The following ARHGAP18 variants were observed in gnomAD, a reference collection of about 807,000 sequenced individuals.
The protein encoded by ARHGAP18 is Rho GTPase activating protein 18.
ARHGAP18 carries 67 observed loss-of-function variants against 86.2 expected under a neutral mutation model. The ratio of observed to expected loss-of-function variants is 0.78; its 90% CI spans 0.64 to 0.95. The LOEUF (loss-of-function observed/expected upper bound fraction) is 0.95, where lower values mean the gene tolerates loss of function less well. Among genes scored for constraint, ARHGAP18 ranks in the 40% least tolerant of loss-of-function variants. The pLI is 0.00. For synonymous variants in ARHGAP18, 283 were observed against 280.4 expected (o/e 1.01, Z -0.09); for missense variants, 691 against 780.4 (o/e 0.89, Z 1.37).
chr6:129,667,819 C>T (rs996457515), intron 1 of ARHGAP18, among the ~76,000 whole-genome samples: 1 of 151,858 alleles, frequency 6.6e-6, no homozygotes, highest in Non-Finnish European at 1.5e-5. Context: ...GGTTACTGAG[C>T]ATTTAGAAAT....
intron 5 of ARHGAP18, among the ~76,000 whole-genome samples, chr6:129,622,196 C>T (rs1164402089): frequency 2.0e-5 from 3 of 152,132 alleles, no homozygotes; most frequent in South Asian, 4.1e-4. Flanking sequence ...CCATTGGCTT[C>T]GTGTTCCCCT....
chr6:129,698,691 G>GTTTT (rs34995244), intron 1 of ARHGAP18, among the ~76,000 whole-genome samples: 1 of 89,686 alleles, frequency 1.1e-5, no homozygotes, highest in African/African-American at 4.4e-5. Flanking sequence ...ACCACGCCCA[G>GTTTT]TTTTTTTTTT....
chr6:129,646,824 G>A (rs910513677), intron 1 of ARHGAP18, among the ~76,000 whole-genome samples: 7 of 152,100 alleles, frequency 4.6e-5, no homozygotes, highest in East Asian at 1.9e-4. Context: ...ACATCTTAGC[G>A]TTATTATGAA....
At position 129,616,237 on chromosome 6, in the gene ARHGAP18, A is replaced by C; in HGVS notation, c.1019T>G (p.Met340Arg). The C allele has an allele frequency of 6.2e-7, 1 of 1,611,710 alleles. No homozygotes were observed. Among genetic ancestry groups the C allele is most frequent in the African/African-American group, 1.3e-5 (1 of 75,036 alleles). ...LEQDQRKVPG[M>R]RIPLIFQKLI... is the part of the protein sequence containing the mutation. The stretch of plus-strand genomic sequence containing the variant: ...TTTTTGAAAGATCAAGGGTATTCGC[A>C]TTCCTGGTACTTTCCTCTGATCTTG... Residue 340 changes from methionine (M) to arginine (R), a missense_variant, in exon 7 of 15, where the codon ATG becomes AGG. Coordinates refer to ENST00000368149, the MANE Select transcript of ARHGAP18 (RefSeq NM_033515.3).
chr6:129,691,019 G>C (rs907095981), intron 1 of ARHGAP18, among the ~76,000 whole-genome samples: 2 of 151,902 alleles, frequency 1.3e-5, no homozygotes, highest in Admixed American at 6.6e-5. Flanking sequence ...TTTATATATT[G>C]GGCTCAATAT....
At chr6:129,626,006 AAT>A (rs1409412218) in intron 5 of ARHGAP18, among the ~76,000 whole-genome samples, 3 of 118,566 alleles carry the variant, frequency 2.5e-5, no homozygotes, top group Non-Finnish European at 5.0e-5. Context: ...ATATATATCA[AAT>A]ATATATATCA....
intron 1 of ARHGAP18, among the ~76,000 whole-genome samples, chr6:129,645,047 C>T (rs1342506060): frequency 6.6e-6 from 1 of 151,854 alleles, no homozygotes; most frequent in Non-Finnish European, 1.5e-5. Flanking sequence ...ACTGCAAGAA[C>T]ACATTTTCAT....
In ARHGAP18 at chr6:129,641,929, T is replaced by G. The variant is rs970677390; in HGVS notation, c.203A>C (p.Asp68Ala). The change falls in exon 2 of 15, where the codon GAT becomes GCT. Residue 68 changes from aspartate (D) to alanine (A), a missense_variant. Transcript: ENST00000368149. ...KPPFDRSISQDSLDELSMEDY... is the reference protein window; with the variant it reads ...KPPFDRSISQASLDELSMEDY... ...TTCCATAGATAGTTCATCCAAAGAATCCTGGGAAATTGATCGATCAAATGG... is the reference window on the plus strand; with the variant it reads ...TTCCATAGATAGTTCATCCAAAGAAGCCTGGGAAATTGATCGATCAAATGG... 2 of 1,613,898 alleles carry G rather than the reference T, an allele frequency of 1.2e-6. No individual in the cohort carries two copies. The highest frequency in any genetic ancestry group is 8.5e-7 in the Non-Finnish European group (1 of 1,179,944).
intron 1 of ARHGAP18, among the ~76,000 whole-genome samples, chr6:129,672,855 T>A (rs1241939057): frequency 6.6e-6 from 1 of 152,256 alleles, no homozygotes. Flanking sequence ...TAGCACATAT[T>A]AATCTCTGAA....
chr6:129,668,546 T>A (rs1774085909), intron 1 of ARHGAP18, among the ~76,000 whole-genome samples: 1 of 152,204 alleles, frequency 6.6e-6, no homozygotes, highest in Non-Finnish European at 1.5e-5. Context: ...TTCAAGACTC[T>A]ATGAGCTCTG....
In ARHGAP18 at chr6:129,677,426, A is replaced by G. The variant is rs931568159; in HGVS notation, c.113+32598T>C. ...AAAAAAATTGCTTTTGTTGACTAAT[A>G]TACCTCCATCTACCCTTCTTTCCTT... is the stretch of plus-strand genomic sequence containing the variant. On this transcript the variant is annotated intron_variant, in intron 1 of 14. Transcript: ENST00000368149. Among the ~76,000 whole-genome samples, 8 of 152,146 alleles carry G rather than the reference A, an allele frequency of 5.3e-5. No homozygotes were observed. The East Asian group carries it at 1.4e-3, about 26-fold the overall frequency.
At chr6:129,692,252 C>A (rs1211627964) in intron 1 of ARHGAP18, among the ~76,000 whole-genome samples, 7 of 152,184 alleles carry the variant, frequency 4.6e-5, no homozygotes, top group Admixed American at 2.0e-4. Context: ...AAAATGCATG[C>A]TTCCTTCCTT....
intron 1 of ARHGAP18, among the ~76,000 whole-genome samples, chr6:129,683,108 G>A (rs1454581635): frequency 2.1e-5 from 3 of 143,144 alleles, no homozygotes; most frequent in Admixed American, 7.2e-5. Flanking sequence ...GTCTCGCTGT[G>A]TCACCCAGGC....
chr6:129,655,618 G>T (rs1011393365), intron 1 of ARHGAP18, among the ~76,000 whole-genome samples: 3 of 151,226 alleles, frequency 2.0e-5, no homozygotes, highest in Non-Finnish European at 4.4e-5. Flanking sequence ...TTTAACTCAG[G>T]TGTTTGAGGG....
chr6:129,634,007 A>G (rs779366420), intron 4 of ARHGAP18, 35 bp downstream of exon 4: 43 of 912,536 alleles, frequency 4.7e-5, no homozygotes, highest in Non-Finnish European at 5.5e-5. Flanking sequence ...TAAAGGGCGG[A>G]AAAAAAAAAA....
chr6:129,599,025 C>A, intron 12 of ARHGAP18, 191 bp downstream of exon 12: 1 of 429,148 alleles, frequency 2.3e-6, no homozygotes, highest in Non-Finnish European at 4.0e-6. Context: ...GTCACCAACA[C>A]CTGACCAACT....
chr6:129,580,002 A>G, intron 14 of ARHGAP18, 68 bp downstream of exon 14: 2 of 1,301,984 alleles, frequency 1.5e-6, no homozygotes, highest in Non-Finnish European at 1.1e-6. Context: ...TCCTCCAAAG[A>G]CATAAATAAT....
chr6:129,645,999 T>C (rs905098509), intron 1 of ARHGAP18, among the ~76,000 whole-genome samples: 3 of 152,224 alleles, frequency 2.0e-5, no homozygotes, highest in Admixed American at 6.5e-5. Context: ...GTATGAGTAA[T>C]AATGCCTGTT....
At chr6:129,654,891 AGGACC>A (rs1773794203) in intron 1 of ARHGAP18, among the ~76,000 whole-genome samples, 2 of 152,232 alleles carry the variant, frequency 1.3e-5, no homozygotes, top group African/African-American at 2.4e-5. Flanking sequence ...CAAGGCTCCC[AGGACC>A]TCGACTGAAC....
Sources: allele counts gnomAD v4.1 joint callset (sites outside exome capture counted in the v4.1 genomes callset), GRCh38; gene constraint gnomAD v4.1.1; transcripts MANE v1.5; gene names NCBI Gene and HGNC (gene_info 2026-07-23, HGNC 2026-07-21).